The following SLC43A1 variants were observed in gnomAD, a reference collection of about 807,000 sequenced individuals.
The protein encoded by SLC43A1 is solute carrier family 43 member 1, also known as large neutral amino acids transporter small subunit 3.
In SLC43A1, 31 loss-of-function variants were observed where a neutral mutation model predicts 59.5. The ratio of observed to expected loss-of-function variants is 0.52; its 90% CI spans 0.39 to 0.70. The LOEUF (loss-of-function observed/expected upper bound fraction) is 0.70. Ranked by LOEUF, SLC43A1 falls within the 30% of genes least tolerant of loss-of-function variation. SLC43A1 has a pLI of 0.00. For synonymous variants in SLC43A1, 259 were observed against 290.9 expected, an observed-to-expected ratio of 0.89 and a Z score of 1.12; for missense variants, 598 against 717.8, an observed-to-expected ratio of 0.83 and a Z score of 1.91.
chr11:57,487,392 T>C (rs1943772467), intron 13 of SLC43A1, among the ~76,000 whole-genome samples, 174 bp from the exon 14 acceptor site: 1 of 152,298 alleles, frequency 6.6e-6, no homozygotes, highest in African/African-American at 2.4e-5. Context: ...TGCTCCAACT[T>C]CAGGGCCACT....
intron 8 of SLC43A1, among the ~76,000 whole-genome samples, chr11:57,493,023 G>C (rs1046910748): frequency 2.6e-5 from 4 of 152,078 alleles, no homozygotes; most frequent in Non-Finnish European, 5.9e-5. Context: ...CTGGGCAACA[G>C]AGTAAGGCTC....
At chr11:57,498,486 G>A (rs1235868847) in intron 5 of SLC43A1, among the ~76,000 whole-genome samples, 1 of 152,082 alleles carries the variant, frequency 6.6e-6, no homozygotes, top group Non-Finnish European at 1.5e-5. Context: ...CAGTGATCTT[G>A]TCCAACCCAT....
At chr11:57,503,340 C>CCCAG (rs1944316575) in intron 2 of SLC43A1, among the ~76,000 whole-genome samples, 1 of 133,484 alleles carries the variant, frequency 7.5e-6, no homozygotes, top group Admixed American at 8.6e-5. Context: ...CACTCTGTCT[C>CCCAG]CCAGGCTGGA....
At chr11:57,489,167 C>CT (rs1943828468) in intron 12 of SLC43A1, 84 bp downstream of exon 12, 1 of 1,546,792 alleles carries the variant, frequency 6.5e-7, no homozygotes, top group South Asian at 1.1e-5. Flanking sequence ...CAGAACTGCG[C>CT]TTCCTGGAAG....
Position 57,489,266 on chromosome 11 carries a change from G to C in SLC43A1, c.1320C>G (p.Asn440Lys). 1 of 1,614,206 alleles carries C rather than the reference G, an allele frequency of 6.2e-7. No homozygotes were observed. Among genetic ancestry groups the C allele is most frequent in the Non-Finnish European group, 8.5e-7 (1 of 1,180,042 alleles). The change falls in exon 12 of 15, where the codon AAC becomes AAG. Residue 440 changes from asparagine (N) to lysine (K), a missense_variant. Physicochemically the swap from Asn to Lys is moderately conservative, Grantham distance 94. Coordinates refer to ENST00000278426, the MANE Select transcript of SLC43A1 (RefSeq NM_003627.6). ...AGGTGGGTACCTGGAGGTGTAAGTT[G>C]TTGATGAGACAGGTGATGCCAAAAC... ...LVGFGITCLINNLHLQFVTFV... is the reference protein window; with the variant it reads ...LVGFGITCLIKNLHLQFVTFV...
rs761908065 is a variant in SLC43A1 at position 57,501,169 on chromosome 11, G to A, written c.315C>T (p.Pro105=). 1.9e-5 allele frequency: 31 copies of A among 1,612,366 alleles called. No individual in the cohort carries two copies. The highest frequency in any genetic ancestry group is 3.3e-4 in the Middle Eastern group (2 of 6,084). ...CACCTCACCTGCCAACCAGCCGCAC[G>A]GGTCGGGGGCCAAAGCGGTCCATGA... ...GILMDRFGPR[P]VRLVGSACFT... The change falls in exon 3 of 15, where the codon CCC becomes CCT. Residue 105 remains proline, a synonymous_variant. Transcript: ENST00000278426.
At chr11:57,497,072 C>G (rs557907168) in intron 6 of SLC43A1, among the ~76,000 whole-genome samples, 12 of 152,190 alleles carry the variant, frequency 7.9e-5, no homozygotes, top group Non-Finnish European at 1.5e-4. Flanking sequence ...ATGGCCCCCC[C>G]ACCCATGCGC....
At position 57,488,850 on chromosome 11, in the gene SLC43A1, C is replaced by A; in HGVS notation, c.1409+66G>T. Reference sequence around the variant, plus strand: ...AGGGGATGCCTGGGGCCCTCCCAACCCTTCCCTGGGGTTCTCTGATCACGG... The same window carrying A: ...AGGGGATGCCTGGGGCCCTCCCAACACTTCCCTGGGGTTCTCTGATCACGG... On this transcript the variant is annotated intron_variant, in intron 13 of 14. Coordinates refer to ENST00000278426, the MANE Select transcript of SLC43A1 (RefSeq NM_003627.6). The A allele has an allele frequency of 2.8e-6, 4 of 1,416,254 alleles. No homozygotes were observed. In the South Asian group the frequency reaches 3.4e-5, roughly 12 times the overall value. 87.7% of individuals were successfully genotyped at this position (1,416,254 alleles called of 1,614,324 possible).
chr11:57,502,445 C>T (rs1202678502), intron 2 of SLC43A1, among the ~76,000 whole-genome samples: 8 of 152,228 alleles, frequency 5.3e-5, no homozygotes, highest in African/African-American at 1.9e-4. Context: ...AGAGAAAGTG[C>T]TCCTGAAGGA....
intron 13 of SLC43A1, among the ~76,000 whole-genome samples, chr11:57,487,462 G>A (rs1004390765): frequency 7.2e-5 from 11 of 152,134 alleles, no homozygotes; most frequent in Admixed American, 6.5e-4. Context: ...AACTCCCTGA[G>A]CCCCACTTCC....
At position 57,488,931 on chromosome 11, in the gene SLC43A1, C is replaced by T. The variant is rs200502867; in HGVS notation, c.1394G>A (p.Ser465Asn). 1.9e-5 allele frequency: 30 copies of T among 1,614,062 alleles called. No homozygotes were observed. The highest frequency in any genetic ancestry group is 2.5e-5 in the Non-Finnish European group (30 of 1,179,900). ...VRGFFHSACG[S>N]LYAAVFPSNH... is the part of the protein sequence containing the mutation. ...ACAGACTCACACTGCAGCATAGAGA[C>T]TCCCACAGGCTGAGTGGAAGAAACC... is the stretch of plus-strand genomic sequence containing the variant. Residue 465 changes from serine (S) to asparagine (N), a missense_variant, in exon 13 of 15, where the codon AGT (serine) becomes AAT (asparagine). Coordinates refer to ENST00000278426, the MANE Select transcript of SLC43A1 (RefSeq NM_003627.6).
Position 57,501,149 on chromosome 11 carries a change from C to T in SLC43A1, c.332+3G>A. The T allele has an allele frequency of 6.2e-7, 1 of 1,612,618 alleles. No individual in the cohort carries two copies. Among genetic ancestry groups the T allele is most frequent in the Non-Finnish European group, 8.5e-7 (1 of 1,179,724 alleles). ...CCCGTTCCCCATAGCCCAGCCACCT[C>T]ACCTGCCAACCAGCCGCACGGGTCG... On this transcript the variant is annotated splice_donor_region_variant and intron_variant, in intron 3 of 14. Transcript: ENST00000278426.
intron 2 of SLC43A1, among the ~76,000 whole-genome samples, chr11:57,511,704 T>C (rs1944552071): frequency 6.6e-6 from 1 of 152,180 alleles, no homozygotes; most frequent in Non-Finnish European, 1.5e-5. Flanking sequence ...CAATGGAGTA[T>C]TTACTCAGCA....
intron 5 of SLC43A1, among the ~76,000 whole-genome samples, chr11:57,498,590 C>T (rs888394684): frequency 1.3e-5 from 2 of 152,180 alleles, no homozygotes; most frequent in African/African-American, 4.8e-5. Context: ...TGTCCCAGCC[C>T]TAACCCAAGG....
chr11:57,494,943 G>T (rs574324861), intron 7 of SLC43A1, among the ~76,000 whole-genome samples: 3 of 151,804 alleles, frequency 2.0e-5, no homozygotes, highest in Admixed American at 1.3e-4. Flanking sequence ...CAGCCTCTAG[G>T]GTTCAAGTGA....
chr11:57,506,932 T>C (rs994668370), intron 2 of SLC43A1, among the ~76,000 whole-genome samples: 1 of 152,216 alleles, frequency 6.6e-6, no homozygotes, highest in Non-Finnish European at 1.5e-5. Flanking sequence ...TGCTTCTGCC[T>C]AAATTCTGAG....
rs780003030 is a variant in SLC43A1 at position 57,485,152 on chromosome 11, C to T, written c.1624G>A (p.Ala542Thr). The T allele has an allele frequency of 2.5e-6, 4 of 1,614,016 alleles. No individual in the cohort carries two copies. Among genetic ancestry groups the T allele is most frequent in the East Asian group, 2.2e-5 (1 of 44,862 alleles). Residue 542 changes from alanine (A) to threonine (T), a missense_variant, in exon 15 of 15, where the codon GCC becomes ACC. Transcript: ENST00000278426. ...TTCAGTGGGCCCATCCCATTGGCGGCGTACTCCTGCTGGAGCCGGGCACGG... is the reference window on the plus strand; with the variant it reads ...TTCAGTGGGCCCATCCCATTGGCGGTGTACTCCTGCTGGAGCCGGGCACGG... ...YYRARLQQEY[A>T]ANGMGPLKVL...
At chr11:57,513,885 TA>T in intron 2 of SLC43A1, 72 bp downstream of exon 2, 1 of 1,263,520 alleles carries the variant, frequency 7.9e-7, no homozygotes, top group Non-Finnish European at 1.1e-6. Flanking sequence ...CCTGGCCACC[TA>T]ACCTTTTCTG....
intron 2 of SLC43A1, among the ~76,000 whole-genome samples, chr11:57,508,393 C>T (rs1313658592): frequency 6.6e-6 from 1 of 152,194 alleles, no homozygotes; most frequent in Non-Finnish European, 1.5e-5. Context: ...GATTCCTGGT[C>T]TAATTCTGTG....
Sources: allele counts gnomAD v4.1 joint callset (sites outside exome capture counted in the v4.1 genomes callset), GRCh38; gene constraint gnomAD v4.1.1; transcripts MANE v1.5; gene names NCBI Gene and HGNC (gene_info 2026-07-23, HGNC 2026-07-21).